Variants in MEGF6 observed in about 807,000 individuals in gnomAD.
MEGF6 encodes multiple EGF like domains 6, also known as multiple epidermal growth factor-like domains protein 6.
A neutral mutation model predicts 207.1 loss-of-function variants in MEGF6; 184 were observed. That is an observed-to-expected ratio of 0.89 (90% CI 0.79 to 1.00). MEGF6 has a LOEUF of 1.00. Among genes scored for constraint, MEGF6 ranks in the 50% least tolerant of loss-of-function variants. MEGF6 has a pLI of 0.00. For missense variants in MEGF6, 2,282 were observed against 2,202.9 expected (o/e 1.04, Z -0.72); for synonymous variants, 1,038 against 910.0 (o/e 1.14, Z -2.53).
chr1:3,575,475 G>A (rs1643615057), intron 4 of MEGF6, among the ~76,000 whole-genome samples: 1 of 152,188 alleles, frequency 6.6e-6, no homozygotes, highest in Non-Finnish European at 1.5e-5. Context: ...GTGCTCTTGT[G>A]TAATTACCCC....
At chr1:3,609,939 G>A (rs1644303106) in intron 1 of MEGF6, among the ~76,000 whole-genome samples, 1 of 152,220 alleles carries the variant, frequency 6.6e-6, no homozygotes, top group African/African-American at 2.4e-5. Flanking sequence ...GGGAGCCTAT[G>A]CCCCTGGAAG....
chr1:3,501,889 A>T lies in MEGF6; in HGVS notation c.2221T>A (p.Ser741Thr). The T allele has an allele frequency of 6.2e-7, 1 of 1,606,654 alleles. No individual in the cohort carries two copies. Among genetic ancestry groups the T allele is most frequent in the African/African-American group, 1.3e-5 (1 of 74,346 alleles). Residue 741 changes from serine to threonine, a missense_variant, in exon 18 of 37, where the codon TCG becomes ACG. Coordinates refer to ENST00000356575, the MANE Select transcript of MEGF6 (RefSeq NM_001409.4). ...CPVGTFGVNC[S>T]SSCSCGGAPC... ...GCCCCCCCACAGGAGCAGGAGCTCG[A>T]GCAGTTCACGCCAAACGTCCCCACC...
At chr1:3,586,034 G>GTCCTGTGTGTGGGTGTGTGGACA (rs1643889898) in intron 3 of MEGF6, among the ~76,000 whole-genome samples, 1 of 142,828 alleles carries the variant, frequency 7.0e-6, no homozygotes, top group African/African-American at 2.6e-5. Flanking sequence ...GTGTGTGGAC[G>GTCCTGTGTGTGGGTGTGTGGACA]CATGTCCTGC....
At chr1:3,523,253 AG>A (rs1267084708) in intron 5 of MEGF6, among the ~76,000 whole-genome samples, 4 of 152,164 alleles carry the variant, frequency 2.6e-5, no homozygotes, top group African/African-American at 9.7e-5. Flanking sequence ...GACCAGCAAG[AG>A]GGTCAGTCCC....
chr1:3,510,770 G>A lies in MEGF6; in HGVS notation c.1234+13C>T. ...AGGCCACCCCAGCTGTGCAGTGGCAGGGCAGTGCTCACCCTCACAGCCGCA... is the reference window on the plus strand; with the variant it reads ...AGGCCACCCCAGCTGTGCAGTGGCAAGGCAGTGCTCACCCTCACAGCCGCA... On this transcript the variant is annotated intron_variant, in intron 10 of 36. Transcript: ENST00000356575. The A allele has an allele frequency of 1.3e-6, 2 of 1,594,640 alleles. No individual in the cohort carries two copies. Among genetic ancestry groups the A allele is most frequent in the Non-Finnish European group, 1.7e-6 (2 of 1,166,856 alleles).
intron 7 of MEGF6, 24 bp from the exon 8 acceptor site, chr1:3,512,152 G>T: frequency 1.9e-6 from 3 of 1,579,336 alleles, no homozygotes; most frequent in Non-Finnish European, 2.6e-6. Flanking sequence ...ACCACAGGGA[G>T]GGCTCAGAGG....
At chr1:3,567,606 G>A (rs1278310296) in intron 4 of MEGF6, among the ~76,000 whole-genome samples, 1 of 152,186 alleles carries the variant, frequency 6.6e-6, no homozygotes, top group Admixed American at 6.5e-5. Context: ...CACAGGTCCC[G>A]TTTGCCGGGG....
chr1:3,530,199 G>A (rs1270483521), intron 4 of MEGF6, among the ~76,000 whole-genome samples: 2 of 152,256 alleles, frequency 1.3e-5, no homozygotes, highest in Non-Finnish European at 2.9e-5. Context: ...GCTGCCCTAG[G>A]CCAAGTGACC....
rs115334335 is a variant in MEGF6, at chr1:3,573,789, G to A, written c.481+6036C>T. Among the ~76,000 whole-genome samples, 2,480 of 152,282 alleles carry A rather than the reference G, an allele frequency of 0.016. 47 individuals are homozygous for A. The highest frequency in any genetic ancestry group is 0.044 in the African/African-American group (1,821 of 41,560). ...GTCGCCAAGAGCAGCCCTGGGTGGCGTCTGGAGCTCGGGCGAGGGGTCAGA... is the reference window on the plus strand; with the variant it reads ...GTCGCCAAGAGCAGCCCTGGGTGGCATCTGGAGCTCGGGCGAGGGGTCAGA... On this transcript the variant is annotated intron_variant, in intron 4 of 36. Coordinates refer to ENST00000356575, the MANE Select transcript of MEGF6 (RefSeq NM_001409.4). This position sits in a 1 kb window ranked among gnomAD's most constrained non-coding sequence, Gnocchi z 5.1.
At chr1:3,550,025 GCCACCTGGT>G (rs1164305208) in intron 4 of MEGF6, among the ~76,000 whole-genome samples, 2 of 152,216 alleles carry the variant, frequency 1.3e-5, no homozygotes, top group African/African-American at 4.8e-5. Flanking sequence ...GATCGTGGAT[GCCACCTGGT>G]GAGTCCAGCC....
intron 1 of MEGF6, among the ~76,000 whole-genome samples, chr1:3,605,680 G>A (rs28369535): frequency 2.0e-5 from 3 of 150,606 alleles, no homozygotes; most frequent in African/African-American, 4.9e-5. Context: ...ACACACACTC[G>A]CACACACATA....
intron 2 of MEGF6, among the ~76,000 whole-genome samples, chr1:3,599,698 G>A (rs1644129350): frequency 6.6e-6 from 1 of 152,214 alleles, no homozygotes; most frequent in South Asian, 2.1e-4. Context: ...CTGGCGAGGT[G>A]GCAGATGGAG....
intron 4 of MEGF6, among the ~76,000 whole-genome samples, chr1:3,540,552 A>T (rs574287831): frequency 2.0e-5 from 3 of 152,302 alleles, no homozygotes; most frequent in Admixed American, 2.0e-4. Context: ...CCTTCCCCAC[A>T]GCTGTGTTTG....
In MEGF6 at chr1:3,501,300, C is replaced by T. The variant is rs769319594; in HGVS notation, c.2323G>A (p.Glu775Lys). The T allele has an allele frequency of 4.8e-5, 77 of 1,597,722 alleles. No homozygotes were observed. In the Admixed American group the frequency reaches 8.7e-4, roughly 18 times the overall value. The change falls in exon 19 of 37, where the codon GAG becomes AAG. Residue 775 changes from glutamate to lysine, a missense_variant. Transcript: ENST00000356575. ...TGEDCEADCP[E>K]GRWGLGCQEI... ...TGGCAGCCCAGCCCCCAGCGGCCCT[C>T]GGGACAATCTAGTGCCCACCCCCAT...
chr1:3,510,639 C>G, intron 10 of MEGF6, 144 bp downstream of exon 10: 1 of 1,217,496 alleles, frequency 8.2e-7, no homozygotes, highest in East Asian at 2.7e-5. Flanking sequence ...AGGCGCTCAA[C>G]CAACACCCAC....
rs1267270119 is a variant in MEGF6 at position 3,507,738 on chromosome 1, C to T, written c.1789+57G>A. 4 of 1,610,416 alleles carry T rather than the reference C, an allele frequency of 2.5e-6. No individual in the cohort carries two copies. The South Asian group carries it at 3.3e-5, about 13-fold the overall frequency. ...GGAGGACGTGGAGGGGTGGTGTCTC[C>T]CACTTCCCTTACAGCCCAGGGGTAA... is the stretch of plus-strand genomic sequence containing the variant. On this transcript the variant is annotated intron_variant, in intron 14 of 36. Transcript: ENST00000356575.
intron 4 of MEGF6, among the ~76,000 whole-genome samples, chr1:3,554,385 G>C (rs1642976701): frequency 6.6e-6 from 1 of 152,166 alleles, no homozygotes; most frequent in African/African-American, 2.4e-5. Context: ...CCAGGCGGGA[G>C]GGGGACGGCA....
chr1:3,501,834 C>T lies in MEGF6; in HGVS notation c.2276G>A (p.Arg759Gln), dbSNP rs552762518. The T allele has an allele frequency of 2.5e-5, 41 of 1,608,220 alleles. No individual in the cohort carries two copies. The highest frequency in any genetic ancestry group is 3.1e-5 in the Non-Finnish European group (36 of 1,178,492). The change falls in exon 18 of 37, where the codon CGG becomes CAG. Residue 759 changes from arginine to glutamine, a missense_variant. By Grantham distance (43) the Arg-to-Gln change is conservative (BLOSUM62 1). Coordinates refer to ENST00000356575, the MANE Select transcript of MEGF6 (RefSeq NM_001409.4). ...TTCCCCAGTCCTCCCCGGCGGACAC[C>T]GGCACTGCCCCGTGACCCCGTGGCA... ...APCHGVTGQC[R>Q]CPPGRTGEDC...
chr1:3,539,234 A>G (rs1642426368), intron 4 of MEGF6, among the ~76,000 whole-genome samples: 1 of 152,050 alleles, frequency 6.6e-6, no homozygotes, highest in Non-Finnish European at 1.5e-5. Context: ...AGGCCCAGAG[A>G]TGAGCAGGGG....
Sources: gnomAD v4.1 joint callset for allele counts (sites outside exome capture counted in the v4.1 genomes callset) on GRCh38, gnomAD v4.1.1 for gene constraint, Gnocchi (gnomAD v3.1) non-coding constraint, MANE v1.5 for transcripts, NCBI Gene and HGNC (gene_info 2026-07-23, HGNC 2026-07-21) for gene names.